RIMBP2: variants seen among roughly 807,000 people sequenced by gnomAD.
RIMBP2 encodes RIMS-binding protein 2.
RIMBP2 carries 48 observed loss-of-function variants against 118.6 expected under a neutral mutation model. The observed-to-expected ratio is 0.40, with a 90% confidence interval of 0.32 to 0.51. RIMBP2 has a LOEUF of 0.51. Among genes scored for constraint, RIMBP2 ranks in the 20% least tolerant of loss-of-function variants. The pLI is 0.41. For missense variants in RIMBP2, 1,551 were observed against 1,768.3 expected, an observed-to-expected ratio of 0.88 and a Z score of 2.20; for synonymous variants, 762 against 742.9, an observed-to-expected ratio of 1.03 and a Z score of -0.42.
chr12:130,584,695 C>A (rs1397015802), intron 2 of RIMBP2, among the ~76,000 whole-genome samples: 1 of 72,666 alleles, frequency 1.4e-5, no homozygotes, highest in African/African-American at 3.0e-5. Context: ...ACCATTACAT[C>A]ATCACTATCA....
intron 1 of RIMBP2, among the ~76,000 whole-genome samples, chr12:130,692,875 G>C (rs1361898249): frequency 6.8e-6 from 1 of 147,740 alleles, no homozygotes; most frequent in Non-Finnish European, 1.5e-5. Flanking sequence ...GTAGGGTAGG[G>C]TAGGGTAGGG....
chr12:130,669,730 C>T (rs1482170685), intron 1 of RIMBP2, among the ~76,000 whole-genome samples: 6 of 152,158 alleles, frequency 3.9e-5, no homozygotes, highest in African/African-American at 7.2e-5. Context: ...CGGACGAACA[C>T]ACTAGGAATG....
rs774143356 is a variant in RIMBP2, at chr12:130,422,084, C to T, written c.3238+369G>A. ...ATTCCCTCGGGTGGGGCTCACAGAC[C>T]CCTGAGGCACGCTGACATCCAGCTT... is the stretch of plus-strand genomic sequence containing the variant. On this transcript the variant is annotated intron_variant, in intron 17 of 22. Transcript: ENST00000690449. The surrounding 1 kb of genome is among the most constrained non-coding windows in gnomAD (Gnocchi z 5.2). 2.6e-5 allele frequency among the ~76,000 whole-genome samples: 4 copies of T among 152,104 alleles called. No homozygotes were observed. The highest frequency in any genetic ancestry group is 2.9e-5 in the Non-Finnish European group (2 of 68,020).
chr12:130,643,433 A>G (rs1263288172), intron 1 of RIMBP2, among the ~76,000 whole-genome samples: 1 of 152,144 alleles, frequency 6.6e-6, no homozygotes, highest in Admixed American at 6.5e-5. Flanking sequence ...ACAGAGATGA[A>G]AGCCGGTCCC....
intron 1 of RIMBP2, among the ~76,000 whole-genome samples, chr12:130,685,151 T>C (rs557322220): frequency 6.6e-6 from 1 of 152,302 alleles, no homozygotes; most frequent in Non-Finnish European, 1.5e-5. Flanking sequence ...GGGGACAATG[T>C]CTGCTGCCTT....
At chr12:130,512,984 C>G (rs1022677527) in intron 3 of RIMBP2, among the ~76,000 whole-genome samples, 3 of 151,926 alleles carry the variant, frequency 2.0e-5, no homozygotes, top group African/African-American at 7.3e-5. Context: ...AATTTTTTTA[C>G]TAGGAAAAAA....
rs1244937960 is a variant in RIMBP2 at position 130,578,599 on chromosome 12, G to A, written c.-217+49723C>T. ...GGGCCTGTGCACTGTGGGCCCCTCT[G>A]CCTGAACAGGCTTCCCTTGGATCTT... is the stretch of plus-strand genomic sequence containing the variant. On this transcript the variant is annotated intron_variant, in intron 2 of 22. Transcript: ENST00000690449. The surrounding 1 kb of genome is among the most constrained non-coding windows in gnomAD (Gnocchi z 4.1). Among the ~76,000 whole-genome samples the A allele has an allele frequency of 6.6e-6, 1 of 152,142 alleles. No individual in the cohort carries two copies. Among genetic ancestry groups the A allele is most frequent in the Non-Finnish European group, 1.5e-5 (1 of 68,032 alleles).
At chr12:130,480,231 A>ACACACACACACACC (rs2081857091) in intron 4 of RIMBP2, among the ~76,000 whole-genome samples, 2 of 100,756 alleles carry the variant, frequency 2.0e-5, no homozygotes, top group African/African-American at 5.9e-5. Context: ...ACACACACAC[A>ACACACACACACACC]CACACCTGTG....
At chr12:130,674,897 C>T (rs996861769) in intron 1 of RIMBP2, among the ~76,000 whole-genome samples, 1 of 152,166 alleles carries the variant, frequency 6.6e-6, no homozygotes, top group South Asian at 2.1e-4. Flanking sequence ...TTCCACACAG[C>T]GTGTCCGCAA....
Position 130,436,977 on chromosome 12 carries a change from C to T in RIMBP2, c.1971G>A (p.Glu657=). 1 of 1,609,446 alleles carries T rather than the reference C, an allele frequency of 6.2e-7. No individual in the cohort carries two copies. The highest frequency in any genetic ancestry group is 1.1e-5 in the South Asian group (1 of 90,308). The change falls in exon 13 of 23, where the codon GAG becomes GAA. Residue 657 remains glutamate, a synonymous_variant. Transcript: ENST00000690449. ...APGPVHGHML[E]PPVGPGRRSP... is the part of the protein sequence containing the mutation. ...ACCGCCTTCCGGGGCCCACGGGCGG[C>T]TCCAGCATGTGCCCATGCACAGGGC...
intron 1 of RIMBP2, among the ~76,000 whole-genome samples, chr12:130,642,532 G>A (rs755640891): frequency 3.2e-4 from 48 of 152,126 alleles, no homozygotes; most frequent in Admixed American, 1.2e-3. Context: ...TGATCTGCCC[G>A]CTTTGGCCTC....
intron 19 of RIMBP2, among the ~76,000 whole-genome samples, chr12:130,410,741 G>A (rs140890782): frequency 3.9e-5 from 6 of 152,226 alleles, no homozygotes; most frequent in African/African-American, 7.2e-5. Flanking sequence ...CCAATACCAC[G>A]TTGTCTCGAT....
At chr12:130,457,482 C>A (rs1176961316) in intron 6 of RIMBP2, among the ~76,000 whole-genome samples, 2 of 152,206 alleles carry the variant, frequency 1.3e-5, no homozygotes, top group East Asian at 3.9e-4. Context: ...GGTGCATGGG[C>A]AAAGCCCCGC....
At chr12:130,483,901 A>G (rs1057362720) in intron 4 of RIMBP2, among the ~76,000 whole-genome samples, 9 of 150,966 alleles carry the variant, frequency 6.0e-5, no homozygotes, top group Non-Finnish European at 8.9e-5. Context: ...CCCCGTCCCC[A>G]CCTAGACACG....
intron 1 of RIMBP2, among the ~76,000 whole-genome samples, chr12:130,664,407 G>GCACGCACA (rs2063796299): frequency 2.3e-5 from 2 of 86,072 alleles, no homozygotes; most frequent in African/African-American, 8.0e-5. Context: ...ACGCACGCAC[G>GCACGCACA]CACGCACACA....
chr12:130,686,806 G>T (rs111743658), intron 1 of RIMBP2, among the ~76,000 whole-genome samples: 1 of 152,232 alleles, frequency 6.6e-6, no homozygotes, highest in Admixed American at 6.5e-5. Context: ...GGAGGAAGGG[G>T]TGTGGACTGG....
chr12:130,619,878 C>T (rs967162982), intron 2 of RIMBP2, among the ~76,000 whole-genome samples: 17 of 152,166 alleles, frequency 1.1e-4, no homozygotes, highest in African/African-American at 3.9e-4. Context: ...GGTCAAAACA[C>T]GTAAAGGGAC....
chr12:130,596,786 G>C (rs1310654221), intron 2 of RIMBP2, among the ~76,000 whole-genome samples: 1 of 152,150 alleles, frequency 6.6e-6, no homozygotes, highest in Non-Finnish European at 1.5e-5. Flanking sequence ...TCTTCAGTCA[G>C]ATTTTTCAAA....
In RIMBP2 at chr12:130,578,986, T is replaced by C. The variant is rs1008913241; in HGVS notation, c.-217+49336A>G. Among the ~76,000 whole-genome samples, 3 of 152,206 alleles carry C rather than the reference T, an allele frequency of 2.0e-5. No homozygotes were observed. The highest frequency in any genetic ancestry group is 4.4e-5 in the Non-Finnish European group (3 of 68,042). ...TGAGAAGTTGTCTCACATCCATTGG[T>C]TCAGATTTCAAGGACAAATCAGTTA... On this transcript the variant is annotated intron_variant, in intron 2 of 22. Transcript: ENST00000690449. This position sits in a 1 kb window ranked among gnomAD's most constrained non-coding sequence, Gnocchi z 4.1.
Sources: gnomAD v4.1 joint callset for allele counts (sites outside exome capture counted in the v4.1 genomes callset) on GRCh38, gnomAD v4.1.1 for gene constraint, Gnocchi (gnomAD v3.1) non-coding constraint, MANE v1.5 for transcripts, NCBI Gene and HGNC (gene_info 2026-07-23, HGNC 2026-07-21) for gene names.